PRKCSH: variants seen among roughly 807,000 people sequenced by gnomAD.
The protein encoded by PRKCSH is PRKCSH beta subunit of glucosidase II, also known as glucosidase 2 subunit beta.
A neutral mutation model predicts 79.7 loss-of-function variants in PRKCSH; 42 were observed. The ratio of observed to expected loss-of-function variants is 0.53; its 90% CI spans 0.41 to 0.68. PRKCSH has a LOEUF of 0.68. PRKCSH is among the 30% of genes least tolerant of loss of function. The pLI, the probability that PRKCSH is intolerant of heterozygous loss-of-function variation, is 0.00. For missense variants in PRKCSH, 686 were observed against 709.0 expected, an observed-to-expected ratio of 0.97 and a Z score of 0.37; for synonymous variants, 325 against 288.2, an observed-to-expected ratio of 1.13 and a Z score of -1.29.
chr19:11,447,152 C>CG lies in PRKCSH; in HGVS notation c.843dup (p.Ser282ValfsTer15). ...CTGGGCCGCCATCAGGGACAAGTAC[C>CG]GGTCCGAGGTCAGTGGAGGAGAAGG... On this transcript the variant is annotated frameshift_variant, in exon 10 of 18. Coordinates refer to ENST00000677123, the MANE Select transcript of PRKCSH (RefSeq NM_001289104.2). LOFTEE classifies it high-confidence loss of function. This position sits in a 1 kb window ranked among gnomAD's most constrained non-coding sequence, Gnocchi z 5.6. 1 of 1,613,924 alleles carries CG rather than the reference C, an allele frequency of 6.2e-7. No homozygotes were observed. The highest frequency in any genetic ancestry group is 8.5e-7 in the Non-Finnish European group (1 of 1,179,836).
intron 9 of PRKCSH, among the ~76,000 whole-genome samples, chr19:11,446,866 C>G (rs1970329047): frequency 6.6e-6 from 1 of 152,116 alleles, no homozygotes. Flanking sequence ...GTGCCCCCAA[C>G]CACTCCAGCC....
chr19:11,441,230 C>G lies in PRKCSH; in HGVS notation c.351-10C>G. ...CCCACTGGTGGTGCCTGTGTGTCTC[C>G]GCACCGCAGAGAGAAGGGCCGTAAG... On this transcript the variant is annotated splice_polypyrimidine_tract_variant and intron_variant, in intron 5 of 17. Coordinates refer to ENST00000677123, the MANE Select transcript of PRKCSH (RefSeq NM_001289104.2). 6.2e-7 allele frequency: 1 copy of G among 1,610,472 alleles called. No homozygotes were observed. Among genetic ancestry groups the G allele is most frequent in the Non-Finnish European group, 8.5e-7 (1 of 1,176,736 alleles).
chr19:11,448,675 G>C lies in PRKCSH; in HGVS notation c.1286+46G>C, dbSNP rs754330522. On this transcript the variant is annotated intron_variant, in intron 14 of 17. Transcript: ENST00000677123. This position sits in a 1 kb window ranked among gnomAD's most constrained non-coding sequence, Gnocchi z 4.4. ...GGCCCCCACTGGCAGGGTGGGAGGC[G>C]GGTGGCCCCGGAAGTGGCACCGGCA... 2.6e-6 allele frequency: 4 copies of C among 1,561,720 alleles called. No homozygotes were observed. Among genetic ancestry groups the C allele is most frequent in the Non-Finnish European group, 3.5e-6 (4 of 1,132,984 alleles).
rs1190808776 is a variant in PRKCSH, at chr19:11,441,371, G to C, written c.468+14G>C. The C allele has an allele frequency of 6.2e-7, 1 of 1,612,530 alleles. No individual in the cohort carries two copies. Among genetic ancestry groups the C allele is most frequent in the East Asian group, 2.2e-5 (1 of 44,848 alleles). On this transcript the variant is annotated intron_variant, in intron 6 of 17. Transcript: ENST00000677123. ...GAGGAGAAGCAGGTAAGGAACCCGC[G>C]GGGGCTGCCCCAGGGTGATCTGGGC...
rs1472049521 is a variant in PRKCSH, at chr19:11,448,529, TC to T, written c.1197-7del. 6.2e-7 allele frequency: 1 copy of T among 1,613,266 alleles called. No individual in the cohort carries two copies. The highest frequency in any genetic ancestry group is 2.2e-5 in the East Asian group (1 of 44,864). ...CCAGCTGCCCCTTAACCGCTCCGCCTCCCCTTCCAGGAACCTGGAGCAAGAG... is the reference window on the plus strand; with the variant it reads ...CCAGCTGCCCCTTAACCGCTCCGCCTCCCTTCCAGGAACCTGGAGCAAGAG... On this transcript the variant is annotated splice_polypyrimidine_tract_variant and intron_variant, in intron 13 of 17. Coordinates refer to ENST00000677123, the MANE Select transcript of PRKCSH (RefSeq NM_001289104.2). The surrounding 1 kb of genome is among the most constrained non-coding windows in gnomAD (Gnocchi z 4.4).
chr19:11,447,450 C>G lies in PRKCSH; in HGVS notation c.861C>G (p.Thr287=), dbSNP rs149732361. ...RDKYRSEALP[T]DLPAPSAPDL... ...TGCTCACCCGCCAGGCACTGCCCAC[C>G]GACCTTCCAGCACCTTCTGCCCCTG... Residue 287 remains threonine (T), a synonymous_variant, in exon 11 of 18, where the codon ACC becomes ACG. Transcript: ENST00000677123. The surrounding 1 kb of genome is among the most constrained non-coding windows in gnomAD (Gnocchi z 5.6). 9 of 1,613,868 alleles carry G rather than the reference C, an allele frequency of 5.6e-6. No homozygotes were observed. Among genetic ancestry groups the G allele is most frequent in the Non-Finnish European group, 7.6e-6 (9 of 1,180,004 alleles).
rs1422875323 is a variant in PRKCSH, at chr19:11,436,466, G to A, written c.157G>A (p.Asp53Asn). The change falls in exon 3 of 18, where the codon GAT becomes AAT. Residue 53 changes from aspartate to asparagine, a missense_variant. By Grantham distance (23) the Asp-to-Asn change is conservative. Around this residue, in one of 2 missense-constraint regions of PRKCSH, gnomAD observed 549 missense variants for 520.2 expected, o/e 1.06. Coordinates refer to ENST00000677123, the MANE Select transcript of PRKCSH (RefSeq NM_001289104.2). ...SATIPFDQVN[D>N]DYCDCKDGSD... ...CACCATCCCATTTGATCAGGTCAAC[G>A]ATGACTATTGCGACTGCAAAGATGG... The A allele has an allele frequency of 6.2e-7, 1 of 1,614,138 alleles. No individual in the cohort carries two copies. Among genetic ancestry groups the A allele is most frequent in the Admixed American group, 1.7e-5 (1 of 60,018 alleles).
rs1009736502 is a variant in PRKCSH at position 11,448,925 on chromosome 19, G to A, written c.1298G>A (p.Arg433His). ...CCGGTCCTCCACAGATACGTCTACCGCCTCTGCCCCTTCAAGCTTGTCTCG... is the reference window on the plus strand; with the variant it reads ...CCGGTCCTCCACAGATACGTCTACCACCTCTGCCCCTTCAAGCTTGTCTCG... ...YELTTNEYVYRLCPFKLVSQK... is the reference protein window; with the variant it reads ...YELTTNEYVYHLCPFKLVSQK... The change falls in exon 15 of 18, where the codon CGC becomes CAC. Residue 433 changes from arginine (R) to histidine (H), a missense_variant. Physicochemically the swap from Arg to His is conservative, Grantham distance 29. Coordinates refer to ENST00000677123, the MANE Select transcript of PRKCSH (RefSeq NM_001289104.2). This position sits in a 1 kb window ranked among gnomAD's most constrained non-coding sequence, Gnocchi z 4.4. 2.5e-6 allele frequency: 4 copies of A among 1,614,110 alleles called. No homozygotes were observed. Among genetic ancestry groups the A allele is most frequent in the Admixed American group, 1.7e-5 (1 of 60,014 alleles).
At chr19:11,440,591 T>C (rs1568363503) in intron 5 of PRKCSH, among the ~76,000 whole-genome samples, 1 of 152,178 alleles carries the variant, frequency 6.6e-6, no homozygotes, top group Non-Finnish European at 1.5e-5. Flanking sequence ...GATTACACCG[T>C]GTAGCTGGGC....
chr19:11,436,773 C>T (rs1031242498), intron 3 of PRKCSH: 3 of 454,392 alleles, frequency 6.6e-6, no homozygotes, highest in Non-Finnish European at 8.2e-6. Context: ...GGGGTCAACA[C>T]GGGCAAACCC....
intron 1 of PRKCSH, 49 bp from the exon 2 acceptor site, chr19:11,435,992 G>C: frequency 7.6e-7 from 1 of 1,315,586 alleles, no homozygotes; most frequent in Non-Finnish European, 1.1e-6. Context: ...AATCCAATTG[G>C]CTGGAAGTAG....
Position 11,449,316 on chromosome 19 carries a change from C to T in PRKCSH, c.1512C>T (p.Pro504=). The change falls in exon 17 of 18, where the codon CCC becomes CCT. Residue 504 remains proline, a synonymous_variant. Transcript: ENST00000677123. This position sits in a 1 kb window ranked among gnomAD's most constrained non-coding sequence, Gnocchi z 6.4. ...CCATGGTGACCAGCACCACAGAGCC[C>T]AGTCGCTGCGAGTACCTCATGGAGC... ...KETMVTSTTE[P]SRCEYLMELM... The T allele has an allele frequency of 1.2e-6, 2 of 1,613,648 alleles. No individual in the cohort carries two copies. Among genetic ancestry groups the T allele is most frequent in the Non-Finnish European group, 8.5e-7 (1 of 1,179,976 alleles).
In PRKCSH at chr19:11,448,627, C is replaced by T. The variant is rs1393141648; in HGVS notation, c.1284C>T (p.Asn428=). The stretch of plus-strand genomic sequence containing the variant: ...GCCAGTGCTACGAGCTCACCACCAA[C>T]GAGTGCGTCCCAGGAATGCAGGGGC... The part of the protein sequence containing the change: ...LYSQCYELTT[N]EYVYRLCPFK... Residue 428 remains asparagine (N), a splice_region_variant and synonymous_variant, in exon 14 of 18, where the codon AAC becomes AAT. Coordinates refer to ENST00000677123, the MANE Select transcript of PRKCSH (RefSeq NM_001289104.2). This position sits in a 1 kb window ranked among gnomAD's most constrained non-coding sequence, Gnocchi z 4.4. 4.3e-6 allele frequency: 7 copies of T among 1,613,768 alleles called. No individual in the cohort carries two copies. Among genetic ancestry groups the T allele is most frequent in the Admixed American group, 3.3e-5 (2 of 60,008 alleles).
In PRKCSH at chr19:11,450,697, C is replaced by T. The variant is rs1042961; in HGVS notation, c.*68C>T. 4 of 152,366 alleles carry T rather than the reference C, an allele frequency of 2.6e-5. No individual in the cohort carries two copies. The highest frequency in any genetic ancestry group is 5.9e-5 in the Non-Finnish European group (4 of 68,126). The allele number at this position is 152,366 out of a possible 1,614,324, so 9.4% of individuals were successfully genotyped here. A position where few individuals can be genotyped will look rare whatever the true frequency, so the allele number is the denominator to read the frequency against. On this transcript the variant is annotated 3_prime_UTR_variant, in exon 18 of 18. Coordinates refer to ENST00000677123, the MANE Select transcript of PRKCSH (RefSeq NM_001289104.2). ...CCTGCAGTGCCGTCCACCCGCCCCT[C>T]TGGGCCTGCCTGTGGCTCTGTTGCC...
At chr19:11,439,365 G>GT (rs1168896454) in intron 5 of PRKCSH, among the ~76,000 whole-genome samples, 5 of 151,432 alleles carry the variant, frequency 3.3e-5, no homozygotes, top group Non-Finnish European at 7.4e-5. Context: ...GAGCCCAGGA[G>GT]TTTGAGACCA....
At position 11,449,244 on chromosome 19, in the gene PRKCSH, G is replaced by A. The variant is rs1258129094; in HGVS notation, c.1462-22G>A. 6.2e-7 allele frequency: 1 copy of A among 1,613,692 alleles called. No individual in the cohort carries two copies. Among genetic ancestry groups the A allele is most frequent in the Middle Eastern group, 1.6e-4 (1 of 6,062 alleles). On this transcript the variant is annotated intron_variant, in intron 16 of 17. Transcript: ENST00000677123. The surrounding 1 kb of genome is among the most constrained non-coding windows in gnomAD (Gnocchi z 6.4). ...GCCTGGCCCAGCCGAACCCTCTCGA[G>A]CACCCGTCTGCCCATCCCCAGGTGC...
At chr19:11,438,441 C>T (rs1969886243) in intron 5 of PRKCSH, among the ~76,000 whole-genome samples, 1 of 152,172 alleles carries the variant, frequency 6.6e-6, no homozygotes, top group Non-Finnish European at 1.5e-5. Flanking sequence ...AAAACCGAAA[C>T]ACCCACAGGC....
chr19:11,448,186 G>T lies in PRKCSH; in HGVS notation c.1127-36G>T, dbSNP rs1043874078. 6 of 1,545,542 alleles carry T rather than the reference G, an allele frequency of 3.9e-6. No individual in the cohort carries two copies. In the African/African-American group the frequency reaches 8.2e-5, roughly 21 times the overall value. ...CCCGTTCCCCATCCTCCTGGATGGG[G>T]TTGAGGACATCTCTGACCTCCAACC... On this transcript the variant is annotated intron_variant, in intron 12 of 17. Coordinates refer to ENST00000677123, the MANE Select transcript of PRKCSH (RefSeq NM_001289104.2). The surrounding 1 kb of genome is among the most constrained non-coding windows in gnomAD (Gnocchi z 4.4).
Position 11,448,557 on chromosome 19 carries a change from T to C in PRKCSH, c.1214T>C (p.Ile405Thr). Reference sequence around the variant, plus strand: ...CCTTCCAGGAACCTGGAGCAAGAGATTTCTTTTGACTTTGGCCCCAACGGG... The same window carrying C: ...CCTTCCAGGAACCTGGAGCAAGAGACTTCTTTTGACTTTGGCCCCAACGGG... ...EESIRNLEQE[I>T]SFDFGPNGEF... The change falls in exon 14 of 18, where the codon ATT (isoleucine) becomes ACT (threonine). Residue 405 changes from isoleucine to threonine, a missense_variant. Physicochemically the swap from Ile to Thr is moderately conservative, Grantham distance 89. Around this residue, in one of 2 missense-constraint regions of PRKCSH, gnomAD observed 137 missense variants for 188.8 expected, o/e 0.73. Transcript: ENST00000677123. This position sits in a 1 kb window ranked among gnomAD's most constrained non-coding sequence, Gnocchi z 4.4. 6.2e-7 allele frequency: 1 copy of C among 1,614,114 alleles called. No homozygotes were observed.
Sources: gnomAD v4.1 joint callset for allele counts (sites outside exome capture counted in the v4.1 genomes callset) on GRCh38, gnomAD v4.1.1 for gene constraint, gnomAD v4.1.1 regional missense constraint, Gnocchi (gnomAD v3.1) non-coding constraint, MANE v1.5 for transcripts, NCBI Gene and HGNC (gene_info 2026-07-23, HGNC 2026-07-21) for gene names.